EPHA3: variants seen among roughly 807,000 people sequenced by gnomAD.
EPHA3 encodes the protein ephrin type-A receptor 3.
A neutral mutation model predicts 107.1 loss-of-function variants in EPHA3; 42 were observed. The observed-to-expected ratio is 0.39, with a 90% CI of 0.31 to 0.51. The LOEUF (loss-of-function observed/expected upper bound fraction) is 0.51. Among genes scored for constraint, EPHA3 ranks in the 20% least tolerant of loss-of-function variants. The pLI, the probability that EPHA3 is intolerant of heterozygous loss-of-function variation, is 0.78. For missense variants in EPHA3, 1,183 were observed against 1,211.2 expected, an observed-to-expected ratio of 0.98 and a Z score of 0.35; for synonymous variants, 461 against 424.8, an observed-to-expected ratio of 1.09 and a Z score of -1.05.
chr3:89,173,895 T>TA (rs1705261331), intron 2 of EPHA3, among the ~76,000 whole-genome samples: 3 of 151,990 alleles, frequency 2.0e-5, no homozygotes, highest in Admixed American at 1.3e-4. Flanking sequence ...ACATGTTCTA[T>TA]AAAAAATAAA....
chr3:89,228,657 A>C (rs561681606), intron 3 of EPHA3, among the ~76,000 whole-genome samples: 2 of 152,076 alleles, frequency 1.3e-5, no homozygotes, highest in Admixed American at 6.6e-5. Context: ...ATACTGTGTA[A>C]GATGTAACAC....
intron 3 of EPHA3, among the ~76,000 whole-genome samples, chr3:89,295,068 C>T (rs184536058): frequency 3.4e-4 from 51 of 152,170 alleles, no homozygotes; most frequent in Admixed American, 2.9e-3. Context: ...TGTATGTATA[C>T]ACATACCTTG....
At chr3:89,342,119 TTA>T in intron 5 of EPHA3, 29 bp downstream of exon 5, 1 of 1,567,946 alleles carries the variant, frequency 6.4e-7, no homozygotes, top group East Asian at 2.3e-5. Flanking sequence ...CTTCTTACTC[TTA>T]TCATATCACG....
At chr3:89,257,614 T>C (rs1449807444) in intron 3 of EPHA3, among the ~76,000 whole-genome samples, 1 of 151,304 alleles carries the variant, frequency 6.6e-6, no homozygotes, top group Non-Finnish European at 1.5e-5. Context: ...TAGCTTCCAT[T>C]GGCCAAACAG....
chr3:89,376,368 A>T (rs2107478088), intron 5 of EPHA3, among the ~76,000 whole-genome samples: 1 of 151,800 alleles, frequency 6.6e-6, no homozygotes, highest in Admixed American at 6.6e-5. Flanking sequence ...CACAACTAAA[A>T]GTGTATATTT....
chr3:89,438,353 C>T (rs1270006913), intron 13 of EPHA3, among the ~76,000 whole-genome samples: 5 of 151,980 alleles, frequency 3.3e-5, no homozygotes, highest in East Asian at 1.9e-4. Context: ...CCTCGTGATC[C>T]GCCAGCCTCG....
intron 3 of EPHA3, among the ~76,000 whole-genome samples, chr3:89,261,179 C>T (rs1213637583): frequency 6.6e-6 from 1 of 152,170 alleles, no homozygotes; most frequent in Non-Finnish European, 1.5e-5. Flanking sequence ...TGAAAATCTG[C>T]TAAAAATTAT....
rs567749801 is a variant in EPHA3, at chr3:89,269,641, A to G, written c.814+59121A>G. Among the ~76,000 whole-genome samples the G allele has an allele frequency of 4.4e-3, 666 of 149,760 alleles. 2 individuals carry two copies. The highest frequency in any genetic ancestry group is 0.019 in the South Asian group (88 of 4,690). Reference sequence around the variant, plus strand: ...TTTTATACTTTAAGTTTTAGGGTACATGTGCACATTGTGCAGGTTAGTTAC... The same window carrying G: ...TTTTATACTTTAAGTTTTAGGGTACGTGTGCACATTGTGCAGGTTAGTTAC... On this transcript the variant is annotated intron_variant, in intron 3 of 16. Coordinates refer to ENST00000336596, the MANE Select transcript of EPHA3 (RefSeq NM_005233.6).
intron 2 of EPHA3, among the ~76,000 whole-genome samples, chr3:89,131,301 T>C (rs1470117822): frequency 1.3e-5 from 2 of 152,166 alleles, no homozygotes; most frequent in East Asian, 1.9e-4. Flanking sequence ...TATTCAGAAA[T>C]TTGGGTAAAT....
chr3:89,469,142 T>G (rs1381643692), intron 15 of EPHA3, among the ~76,000 whole-genome samples: 1 of 152,178 alleles, frequency 6.6e-6, no homozygotes, highest in Non-Finnish European at 1.5e-5. Flanking sequence ...ATAAACTCCA[T>G]AATTAAGATT....
At chr3:89,331,426 A>G (rs928356340) in intron 3 of EPHA3, among the ~76,000 whole-genome samples, 7 of 152,222 alleles carry the variant, frequency 4.6e-5, no homozygotes, top group Non-Finnish European at 8.8e-5. Flanking sequence ...ATGTATGAGA[A>G]TAGCATAACT....
Position 89,295,209 on chromosome 3 carries a change from G to C in EPHA3, c.815-45707G>C, listed in dbSNP as rs550119167. Among the ~76,000 whole-genome samples, 66 of 152,280 alleles carry C rather than the reference G, an allele frequency of 4.3e-4. No individual in the cohort carries two copies. The South Asian group carries it at 0.012, about 27-fold the overall frequency. On this transcript the variant is annotated intron_variant, in intron 3 of 16. Coordinates refer to ENST00000336596, the MANE Select transcript of EPHA3 (RefSeq NM_005233.6). ...CTCTCTACCATAGTCTATTAAGTGT[G>C]CAATAGTGGTATGTCTAAAAAACAG...
intron 3 of EPHA3, among the ~76,000 whole-genome samples, chr3:89,218,086 A>T (rs1436247631): frequency 6.6e-6 from 1 of 152,136 alleles, no homozygotes; most frequent in Non-Finnish European, 1.5e-5. Context: ...CATGTATTGA[A>T]TTGGGGGGAA....
At chr3:89,457,240 A>G (rs918238675) in intron 15 of EPHA3, among the ~76,000 whole-genome samples, 1 of 152,214 alleles carries the variant, frequency 6.6e-6, no homozygotes, top group African/African-American at 2.4e-5. Flanking sequence ...GCTAGACTAT[A>G]GGATAAAAAA....
At chr3:89,222,733 A>G (rs1378908300) in intron 3 of EPHA3, among the ~76,000 whole-genome samples, 2 of 152,088 alleles carry the variant, frequency 1.3e-5, no homozygotes, top group Admixed American at 1.3e-4. Context: ...ACACATTCCT[A>G]CATTTCTTTT....
In EPHA3 at chr3:89,334,266, G is replaced by A. The variant is rs112163261; in HGVS notation, c.815-6650G>A. ...TTGAATATACACTACTCTGCTAGAGGAAAGCACTGCAAAATCCATCATTTC... is the reference window on the plus strand; with the variant it reads ...TTGAATATACACTACTCTGCTAGAGAAAAGCACTGCAAAATCCATCATTTC... On this transcript the variant is annotated intron_variant, in intron 3 of 16. Coordinates refer to ENST00000336596, the MANE Select transcript of EPHA3 (RefSeq NM_005233.6). Among the ~76,000 whole-genome samples, 710 of 152,288 alleles carry A rather than the reference G, an allele frequency of 4.7e-3. 5 individuals are homozygous for A. The highest frequency in any genetic ancestry group is 0.016 in the African/African-American group (678 of 41,564).
At chr3:89,327,092 A>G (rs1261666626) in intron 3 of EPHA3, among the ~76,000 whole-genome samples, 1 of 152,144 alleles carries the variant, frequency 6.6e-6, no homozygotes, top group East Asian at 1.9e-4. Context: ...AAAGATGCCC[A>G]TGAAGTGCAC....
At chr3:89,436,054 T>G (rs1709664619) in intron 13 of EPHA3, among the ~76,000 whole-genome samples, 1 of 151,734 alleles carries the variant, frequency 6.6e-6, no homozygotes. Context: ...GGTGGAAAGA[T>G]CACTTGAGTC....
chr3:89,153,555 C>G (rs554356475), intron 2 of EPHA3, among the ~76,000 whole-genome samples: 5 of 152,120 alleles, frequency 3.3e-5, no homozygotes, highest in African/African-American at 7.2e-5. Flanking sequence ...TATTTTCCTT[C>G]TCTCACATTT....
Sources: allele counts gnomAD v4.1 joint callset (sites outside exome capture counted in the v4.1 genomes callset), GRCh38; gene constraint gnomAD v4.1.1; transcripts MANE v1.5; gene names NCBI Gene and HGNC (gene_info 2026-07-23, HGNC 2026-07-21).